Variants in DCN observed in about 807,000 individuals in gnomAD.
The protein encoded by DCN is bone proteoglycan II.
DCN carries 17 observed loss-of-function variants against 36.5 expected under a neutral mutation model. The observed-to-expected ratio is 0.47, with a 90% CI of 0.32 to 0.70. The LOEUF (loss-of-function observed/expected upper bound fraction) is 0.70. Ranked by LOEUF, DCN falls within the 30% of genes least tolerant of loss-of-function variation. The pLI, the probability that DCN is intolerant of heterozygous loss-of-function variation, is 0.04. For missense variants in DCN, 389 were observed against 430.1 expected (o/e 0.90, Z 0.84); for synonymous variants, 163 against 161.4 (o/e 1.01, Z -0.07).
chr12:91,174,215 A>G (rs1007291807), intron 2 of DCN, among the ~76,000 whole-genome samples: 3 of 151,724 alleles, frequency 2.0e-5, no homozygotes, highest in Non-Finnish European at 2.9e-5. Context: ...TAAATGCACA[A>G]TTTTTTTTGT....
At chr12:91,180,281 TTA>T (rs1491406058) in intron 1 of DCN, 2 of 98,942 alleles carry the variant, frequency 2.0e-5, no homozygotes, top group Non-Finnish European at 3.8e-5. Flanking sequence ...TTGTAGCATA[TTA>T]AAAAAAAGAA....
chr12:91,175,020 AT>A (rs1011834934), intron 2 of DCN: 1 of 152,100 alleles, frequency 6.6e-6, no homozygotes, highest in Non-Finnish European at 1.5e-5. Context: ...AAAATAGAAA[AT>A]CCCATCAAAA....
At position 91,157,088 on chromosome 12, in the gene DCN, G is replaced by A; in HGVS notation, c.639C>T (p.Thr213=). 1 of 1,596,732 alleles carries A rather than the reference G, an allele frequency of 6.3e-7. No homozygotes were observed. The highest frequency in any genetic ancestry group is 8.6e-7 in the Non-Finnish European group (1 of 1,164,386). The change falls in exon 5 of 8, where the codon ACC becomes ACT. Residue 213 remains threonine (T), a synonymous_variant. Transcript: ENST00000052754. ...ATCTTCTATCACCTTGAGGAATGCT[G>A]GTGATATTGGTATCAGCAATGCGGA... The part of the protein sequence containing the change: ...SYIRIADTNI[T]SIPQGLPPSL...
At chr12:91,152,195 T>C (rs1379682396) in intron 6 of DCN, among the ~76,000 whole-genome samples, 8 of 152,168 alleles carry the variant, frequency 5.3e-5, no homozygotes, top group African/African-American at 1.7e-4. Context: ...GTGCATGATA[T>C]TATGCTAGGC....
rs752282033 is a variant in DCN at position 91,146,297 on chromosome 12, G to A, written c.886-45C>T. ...AAAATAATTATTATTCTCTAAATAT[G>A]TTGAGGCCCTTCAGGTAAACATTTT... is the stretch of plus-strand genomic sequence containing the variant. On this transcript the variant is annotated intron_variant, in intron 7 of 7. Coordinates refer to ENST00000052754, the MANE Select transcript of DCN (RefSeq NM_001920.5). 1.5e-5 allele frequency: 16 copies of A among 1,041,542 alleles called. No individual in the cohort carries two copies. The Middle Eastern group carries it at 1.6e-3, about 102-fold the overall frequency. The allele number at this position is 1,041,542 out of a possible 1,614,324, so 64.5% of individuals were successfully genotyped here.
At chr12:91,165,425 G>A (rs1592696612) in intron 2 of DCN, among the ~76,000 whole-genome samples, 1 of 152,104 alleles carries the variant, frequency 6.6e-6, no homozygotes, top group Admixed American at 6.6e-5. Flanking sequence ...GTCTAGCTGA[G>A]TGTATTATTG....
rs1011686761 is a variant in DCN, at chr12:91,140,899, T to C, written c.*5159A>G. On this transcript the variant is annotated 3_prime_UTR_variant, in exon 8 of 8. Transcript: ENST00000052754. ...TTCCTGAAGTCATCTCTGTTTCTTT[T>C]CTTTCTCTCTCATGCCCCATCTGAT... 2 of 152,248 alleles carry C rather than the reference T, an allele frequency of 1.3e-5. No individual in the cohort carries two copies. The highest frequency in any genetic ancestry group is 2.9e-5 in the Non-Finnish European group (2 of 68,080). 9.4% of individuals were successfully genotyped at this position (152,248 alleles called of 1,614,324 possible).
chr12:91,151,422 A>G (rs1565773855), intron 7 of DCN: 2 of 511,424 alleles, frequency 3.9e-6, no homozygotes, highest in Admixed American at 3.1e-5. Context: ...ATTACAGAAG[A>G]CTTTAAGTTT....
At position 91,178,397 on chromosome 12, in the gene DCN, T is replaced by C; in HGVS notation, c.156A>G (p.Pro52=). Residue 52 remains proline (P), a synonymous_variant, in exon 2 of 8, where the codon CCA becomes CCG. Coordinates refer to ENST00000052754, the MANE Select transcript of DCN (RefSeq NM_001920.5). ...GGCATTGACAGCGGAAGGGGCACAC[T>C]GGGCCTAGGGAGGGCTCGAAGTCGC... ...DDRDFEPSLG[P]VCPFRCQCHL... 1 of 1,614,018 alleles carries C rather than the reference T, an allele frequency of 6.2e-7. No individual in the cohort carries two copies. Among genetic ancestry groups the C allele is most frequent in the Non-Finnish European group, 8.5e-7 (1 of 1,179,974 alleles).
At chr12:91,157,480 G>A (rs1256074862) in intron 4 of DCN, among the ~76,000 whole-genome samples, 1 of 152,104 alleles carries the variant, frequency 6.6e-6, no homozygotes, top group Non-Finnish European at 1.5e-5. Flanking sequence ...GCATACACAG[G>A]TTTGCCCAGA....
rs1363618528 is a variant in DCN, at chr12:91,143,000, A to T, written c.*3058T>A. 1 of 152,202 alleles carries T rather than the reference A, an allele frequency of 6.6e-6. No homozygotes were observed. The highest frequency in any genetic ancestry group is 1.9e-4 in the East Asian group (1 of 5,196). 9.4% of individuals were successfully genotyped at this position (152,202 alleles called of 1,614,324 possible). A position where few individuals can be genotyped will look rare whatever the true frequency, so the allele number is the denominator to read the frequency against. On this transcript the variant is annotated 3_prime_UTR_variant, in exon 8 of 8. Coordinates refer to ENST00000052754, the MANE Select transcript of DCN (RefSeq NM_001920.5). Reference sequence around the variant, plus strand: ...GATATAATCAAGTTAAGATGGGTTCATACTAAATTAGGGTGAGCCTTAATC... The same window carrying T: ...GATATAATCAAGTTAAGATGGGTTCTTACTAAATTAGGGTGAGCCTTAATC...
chr12:91,178,298 A>G, intron 2 of DCN, 44 bp downstream of exon 2: 7 of 1,551,022 alleles, frequency 4.5e-6, no homozygotes, highest in Non-Finnish European at 6.2e-6. Context: ...ATTCCCAAGA[A>G]TAAAACAAGT....
rs1016643343 is a variant in DCN at position 91,177,708 on chromosome 12, T to C, written c.211+634A>G. On this transcript the variant is annotated intron_variant, in intron 2 of 7. Coordinates refer to ENST00000052754, the MANE Select transcript of DCN (RefSeq NM_001920.5). ...ACAATTATATTGAATATTTACACCA[T>C]ACCTTAGTGATAAATATTTCCTTTG... The C allele has an allele frequency of 1.5e-4, 102 of 697,062 alleles. 2 individuals are homozygous for C. The East Asian group carries it at 2.6e-3, about 18-fold the overall frequency. The allele number at this position is 697,062 out of a possible 1,614,324, so 43.2% of individuals were successfully genotyped here.
chr12:91,150,445 A>G (rs985120083), intron 7 of DCN, among the ~76,000 whole-genome samples: 4 of 151,700 alleles, frequency 2.6e-5, no homozygotes, highest in Non-Finnish European at 5.9e-5. Flanking sequence ...AAATTTCTAG[A>G]TGTTAAAGTA....
chr12:91,163,747 T>C (rs1882314277), intron 3 of DCN, among the ~76,000 whole-genome samples: 1 of 152,098 alleles, frequency 6.6e-6, no homozygotes, highest in Non-Finnish European at 1.5e-5. Context: ...GAAGATAGAA[T>C]TATATTTCGC....
intron 2 of DCN, chr12:91,177,724 A>C (rs751788545): frequency 5.8e-6 from 4 of 695,644 alleles, no homozygotes; most frequent in Non-Finnish European, 1.0e-5. Context: ...AGTGATAAAT[A>C]TTTCCTTTGA....
intron 7 of DCN, chr12:91,151,275 C>G: frequency 4.4e-6 from 1 of 227,192 alleles, no homozygotes. Context: ...GAAGCTCTTT[C>G]CAGTCAATTC....
chr12:91,172,625 G>A, intron 2 of DCN: 1 of 524,862 alleles, frequency 1.9e-6, no homozygotes, highest in Non-Finnish European at 3.4e-6. Flanking sequence ...TTAAAGGGAA[G>A]GAGCAAGGAT....
chr12:91,159,570 C>T (rs1882028764), intron 3 of DCN, among the ~76,000 whole-genome samples: 1 of 151,746 alleles, frequency 6.6e-6, no homozygotes, highest in Non-Finnish European at 1.5e-5. Context: ...AGAGCCTTAA[C>T]ATATTTTTCT....
Sources: gnomAD v4.1 joint callset for allele counts (sites outside exome capture counted in the v4.1 genomes callset) on GRCh38, gnomAD v4.1.1 for gene constraint, MANE v1.5 for transcripts, NCBI Gene and HGNC (gene_info 2026-07-23, HGNC 2026-07-21) for gene names.